ZER1: variants seen among roughly 807,000 people sequenced by gnomAD.
ZER1 encodes the protein zyg-11 related cell cycle regulator.
ZER1 carries 11 observed loss-of-function variants against 78.8 expected under a neutral mutation model. That is an observed-to-expected ratio of 0.14 (90% CI 0.09 to 0.23). ZER1 has a LOEUF of 0.23. ZER1 is among the 10% of genes least tolerant of loss of function. The probability of loss-of-function intolerance (pLI) is 1.00; values close to 1 mark genes in which losing one functional copy is unlikely to be tolerated. For synonymous variants in ZER1, 400 were observed against 407.0 expected (o/e 0.98, Z 0.21); for missense variants, 588 against 996.9 (o/e 0.59, Z 5.52).
chr9:128,766,274 G>A (rs145455536), intron 1 of ZER1, among the ~76,000 whole-genome samples: 3,057 of 151,316 alleles, frequency 0.02, 107 homozygotes, highest in African/African-American at 0.071. Flanking sequence ...GCTTGAACCC[G>A]GGAGGTGGAG....
At position 128,740,000 on chromosome 9, in the gene ZER1, T is replaced by A; in HGVS notation, c.1973A>T (p.Glu658Val). 1 of 1,613,902 alleles carries A rather than the reference T, an allele frequency of 6.2e-7. No homozygotes were observed. Among genetic ancestry groups the A allele is most frequent in the Non-Finnish European group, 8.5e-7 (1 of 1,179,888 alleles). ...AWGVCEPQRE[E>V]VEERMWAAIQ... is the part of the protein sequence containing the mutation. ...GGCAGCCCACATGCGTTCCTCCACC[T>A]CCTCACGCTGGGGCTCACAGACGCC... Residue 658 changes from glutamate (E) to valine (V), a missense_variant, in exon 13 of 16, where the codon GAG becomes GTG. Around this residue, in one of 3 missense-constraint regions of ZER1, gnomAD observed 122 missense variants for 173.5 expected, o/e 0.70. Coordinates refer to ENST00000291900, the MANE Select transcript of ZER1 (RefSeq NM_006336.4).
At chr9:128,734,299 C>T (rs1395166065) in intron 14 of ZER1, among the ~76,000 whole-genome samples, 17 of 146,800 alleles carry the variant, frequency 1.2e-4, no homozygotes, top group Non-Finnish European at 2.4e-4. Flanking sequence ...TGGGTTCAAA[C>T]GATTATTTTG....
At chr9:128,747,550 T>C (rs1266474741) in intron 8 of ZER1, among the ~76,000 whole-genome samples, 1 of 152,244 alleles carries the variant, frequency 6.6e-6, no homozygotes, top group African/African-American at 2.4e-5. Flanking sequence ...GCTTTCGCTC[T>C]ATTTAATACA....
chr9:128,759,330 C>A (rs575848956), intron 1 of ZER1, among the ~76,000 whole-genome samples: 1 of 150,226 alleles, frequency 6.7e-6, no homozygotes, highest in Admixed American at 6.6e-5. Flanking sequence ...GCCACCACAC[C>A]CAGCTAATTT....
Position 128,740,411 on chromosome 9 carries a change from C to T in ZER1, c.1854-292G>A, listed in dbSNP as rs898823067. ...TGGCTAACATGGTGAAACCCCATCT[C>T]TACTAAAAATACAAAAAAATTAGCT... On this transcript the variant is annotated intron_variant, in intron 12 of 15. Transcript: ENST00000291900. This position sits in a 1 kb window ranked among gnomAD's most constrained non-coding sequence, Gnocchi z 4.4. Among the ~76,000 whole-genome samples the T allele has an allele frequency of 5.3e-5, 8 of 151,984 alleles. No individual in the cohort carries two copies. The East Asian group carries it at 1.5e-3, about 29-fold the overall frequency.
chr9:128,753,629 C>T lies in ZER1; in HGVS notation c.310-29G>A. 1 of 1,606,260 alleles carries T rather than the reference C, an allele frequency of 6.2e-7. No homozygotes were observed. The highest frequency in any genetic ancestry group is 8.5e-7 in the Non-Finnish European group (1 of 1,176,032). ...GGAGTGGGCACAGCTCCATCATCAT[C>T]ACCACCCTTGCCCCTTCCCCCGGCC... is the stretch of plus-strand genomic sequence containing the variant. On this transcript the variant is annotated intron_variant, in intron 3 of 15. Transcript: ENST00000291900. The surrounding 1 kb of genome is among the most constrained non-coding windows in gnomAD (Gnocchi z 7.5).
At position 128,750,800 on chromosome 9, in the gene ZER1, A is replaced by T. The variant is rs1409578847; in HGVS notation, c.1186-11T>A. On this transcript the variant is annotated splice_polypyrimidine_tract_variant and intron_variant, in intron 7 of 15. Coordinates refer to ENST00000291900, the MANE Select transcript of ZER1 (RefSeq NM_006336.4). ...GGCCGTGATGACCAGCTGTATGAAG[A>T]CAAGGGGGACCTGGGCTGGCAAGTG... The T allele has an allele frequency of 1.2e-6, 2 of 1,613,910 alleles. No homozygotes were observed. The highest frequency in any genetic ancestry group is 1.7e-6 in the Non-Finnish European group (2 of 1,179,906).
chr9:128,751,403 C>T lies in ZER1; in HGVS notation c.1038+10G>A. 1 of 1,614,138 alleles carries T rather than the reference C, an allele frequency of 6.2e-7. No homozygotes were observed. Among genetic ancestry groups the T allele is most frequent in the Non-Finnish European group, 8.5e-7 (1 of 1,180,008 alleles). ...CCCTGGCCCAGACCCATCCCACTTC[C>T]ACTGCTCACTTTGTAGGCTGGAATG... On this transcript the variant is annotated intron_variant, in intron 6 of 15. Transcript: ENST00000291900. This position sits in a 1 kb window ranked among gnomAD's most constrained non-coding sequence, Gnocchi z 5.4.
intron 1 of ZER1, among the ~76,000 whole-genome samples, chr9:128,756,134 G>T (rs970340255): frequency 6.6e-6 from 1 of 152,194 alleles, no homozygotes; most frequent in African/African-American, 2.4e-5. Flanking sequence ...CAAGAGCAAT[G>T]AAAACATATG....
intron 13 of ZER1, among the ~76,000 whole-genome samples, chr9:128,738,420 C>T (rs1863165854): frequency 6.6e-6 from 1 of 150,710 alleles, no homozygotes; most frequent in Non-Finnish European, 1.5e-5. Context: ...GAGTCTCGCT[C>T]TGTCGCCCAG....
chr9:128,768,222 C>T (rs994721914), intron 1 of ZER1, among the ~76,000 whole-genome samples: 1 of 152,158 alleles, frequency 6.6e-6, no homozygotes, highest in African/African-American at 2.4e-5. Flanking sequence ...CTGCACTCAC[C>T]TCTCAGGACT....
chr9:128,735,084 G>A (rs904614055), intron 14 of ZER1, among the ~76,000 whole-genome samples: 8 of 152,284 alleles, frequency 5.3e-5, no homozygotes, highest in South Asian at 2.1e-4. Flanking sequence ...ACATGGAAGC[G>A]GGAAGCATTA....
Position 128,755,520 on chromosome 9 carries a change from A to G in ZER1, c.46T>C (p.Phe16Leu), listed in dbSNP as rs1222935406. Reference sequence around the variant, plus strand: ...GTGCCATCCAGGTTGCGCAAGCAGAAGTCAGTACAGAGGGCCATCAGCGAC... The same window carrying G: ...GTGCCATCCAGGTTGCGCAAGCAGAGGTCAGTACAGAGGGCCATCAGCGAC... ...PESLMALCTD[F>L]CLRNLDGTLG... Residue 16 changes from phenylalanine to leucine, a missense_variant, in exon 2 of 16, where the codon TTC becomes CTC. Transcript: ENST00000291900. The surrounding 1 kb of genome is among the most constrained non-coding windows in gnomAD (Gnocchi z 5.6). 3.1e-6 allele frequency: 5 copies of G among 1,613,850 alleles called. No homozygotes were observed. The highest frequency in any genetic ancestry group is 4.2e-6 in the Non-Finnish European group (5 of 1,180,002).
At position 128,755,908 on chromosome 9, in the gene ZER1, G is replaced by A. The variant is rs1397742066; in HGVS notation, c.-94-249C>T. 2.0e-5 allele frequency among the ~76,000 whole-genome samples: 3 copies of A among 152,150 alleles called. No homozygotes were observed. The highest frequency in any genetic ancestry group is 7.2e-5 in the African/African-American group (3 of 41,438). ...TTGCCTGTGAGCAGACGTGTGTGCTGGGGACCCAGTGCTTGGGTGGGGATA... is the reference window on the plus strand; with the variant it reads ...TTGCCTGTGAGCAGACGTGTGTGCTAGGGACCCAGTGCTTGGGTGGGGATA... On this transcript the variant is annotated intron_variant, in intron 1 of 15. Transcript: ENST00000291900. The surrounding 1 kb of genome is among the most constrained non-coding windows in gnomAD (Gnocchi z 5.6).
Position 128,755,780 on chromosome 9 carries a change from C to T in ZER1, c.-94-121G>A. On this transcript the variant is annotated intron_variant, in intron 1 of 15. Coordinates refer to ENST00000291900, the MANE Select transcript of ZER1 (RefSeq NM_006336.4). The surrounding 1 kb of genome is among the most constrained non-coding windows in gnomAD (Gnocchi z 5.6). ...ACTCCAATTAGCAGCTTAGCAGGGC[C>T]AGGCCCAGGTCTCCTGACTCCTTCT... The T allele has an allele frequency of 3.3e-6, 2 of 602,698 alleles. No homozygotes were observed. The highest frequency in any genetic ancestry group is 2.8e-5 in the East Asian group (1 of 35,522). The allele number at this position is 602,698 out of a possible 1,614,324, so 37.3% of individuals were successfully genotyped here.
At position 128,741,238 on chromosome 9, in the gene ZER1, A is replaced by G. The variant is rs1291299923; in HGVS notation, c.1737+297T>C. On this transcript the variant is annotated intron_variant, in intron 11 of 15. Transcript: ENST00000291900. ...TTAAGGATGAACAGACCCGCTGTCC[A>G]GCTCGTAGCGTAGTGGGCTCTGGCC... Among the ~76,000 whole-genome samples the G allele has an allele frequency of 2.6e-5, 4 of 152,254 alleles. No individual in the cohort carries two copies. The East Asian group carries it at 7.7e-4, about 29-fold the overall frequency.
rs576314252 is a variant in ZER1 at position 128,732,373 on chromosome 9, A to T, written c.2244-979T>A. Among the ~76,000 whole-genome samples the T allele has an allele frequency of 1.3e-5, 2 of 152,140 alleles. No individual in the cohort carries two copies. Among genetic ancestry groups the T allele is most frequent in the Admixed American group, 6.6e-5 (1 of 15,262 alleles). ...GGGTGGGCCCCGTCCATTTATTTTT[A>T]AATTTTATTTTTTTGAGACAGAGTC... On this transcript the variant is annotated intron_variant, in intron 15 of 15. Transcript: ENST00000291900. The surrounding 1 kb of genome is among the most constrained non-coding windows in gnomAD (Gnocchi z 4.8).
chr9:128,731,292 C>G lies in ZER1; in HGVS notation c.*45G>C. The G allele has an allele frequency of 3.1e-6, 5 of 1,600,176 alleles. No individual in the cohort carries two copies. Among genetic ancestry groups the G allele is most frequent in the Non-Finnish European group, 3.4e-6 (4 of 1,170,212 alleles). On this transcript the variant is annotated 3_prime_UTR_variant, in exon 16 of 16. Transcript: ENST00000291900. ...CTGGGCTGCTTGAGCATGCTTCCTC[C>G]CCGCCTGTGGTCCAGAGCGGTGGCG... is the stretch of plus-strand genomic sequence containing the variant.
chr9:128,736,910 G>A (rs1382028650), intron 13 of ZER1, among the ~76,000 whole-genome samples: 2 of 152,070 alleles, frequency 1.3e-5, no homozygotes, highest in Non-Finnish European at 2.9e-5. Flanking sequence ...TTGGGAGGCT[G>A]AGGGGGGTGG....
Sources: allele counts gnomAD v4.1 joint callset (sites outside exome capture counted in the v4.1 genomes callset), GRCh38; gene constraint gnomAD v4.1.1; regional missense constraint gnomAD v4.1.1; non-coding constraint Gnocchi (gnomAD v3.1); transcripts MANE v1.5; gene names NCBI Gene and HGNC (gene_info 2026-07-23, HGNC 2026-07-21).